The following MAOA variants were observed in gnomAD, a reference collection of about 807,000 sequenced individuals.
The protein encoded by MAOA is amine oxidase [flavin-containing] A.
Under a neutral mutation model 42.0 loss-of-function variants are expected in MAOA, and 6 were observed. The ratio of observed to expected loss-of-function variants is 0.14; its 90% CI spans 0.08 to 0.28. MAOA has a LOEUF of 0.28. Ranked by LOEUF, MAOA falls within the 10% of genes least tolerant of loss-of-function variation. The pLI, the probability that MAOA is intolerant of heterozygous loss-of-function variation, is 1.00. For missense variants in MAOA, 262 were observed against 422.3 expected, an observed-to-expected ratio of 0.62 and a Z score of 3.33; for synonymous variants, 140 against 154.0, an observed-to-expected ratio of 0.91 and a Z score of 0.67.
intron 3 of MAOA, among the ~76,000 whole-genome samples, chrX:43,695,445 A>T (rs1256818768): frequency 8.9e-6 from 1 of 112,120 alleles, no homozygotes; most frequent in African/African-American, 3.2e-5. Context: ...AAAACTTGAT[A>T]TTGGGCTGGG....
At chrX:43,681,882 T>TATATA (rs1479098954) in intron 1 of MAOA, among the ~76,000 whole-genome samples, 2 of 80,981 alleles carry the variant, frequency 2.5e-5, no homozygotes, top group African/African-American at 1.3e-4. Flanking sequence ...ATATATATAT[T>TATATA]TTTTTTTTTT....
intron 1 of MAOA, 110 bp from the exon 2 acceptor site, chrX:43,683,403 A>C: frequency 1.7e-6 from 1 of 587,437 alleles, no homozygotes; most frequent in Middle Eastern, 3.2e-4. Context: ...AAGACAGCAA[A>C]ATCATTGGAT....
intron 5 of MAOA, among the ~76,000 whole-genome samples, chrX:43,720,434 G>C (rs1345377149): frequency 9.1e-6 from 1 of 110,035 alleles, no homozygotes; most frequent in Admixed American, 9.7e-5. Flanking sequence ...GGTAGGGAGA[G>C]ACAGGAAGGA....
intron 3 of MAOA, among the ~76,000 whole-genome samples, chrX:43,711,450 A>G (rs2033698956): frequency 8.9e-6 from 1 of 112,033 alleles, no homozygotes; most frequent in Non-Finnish European, 1.9e-5. Flanking sequence ...CTTGTCCTAT[A>G]TGTGGTCTAA....
chrX:43,698,254 C>T (rs995462652), intron 3 of MAOA, among the ~76,000 whole-genome samples: 5 of 111,686 alleles, frequency 4.5e-5, no homozygotes, highest in South Asian at 3.7e-4. Flanking sequence ...ACATCTAGTC[C>T]CAGCTTACTC....
At chrX:43,710,702 G>A (rs753603224) in intron 3 of MAOA, among the ~76,000 whole-genome samples, 4 of 112,016 alleles carry the variant, frequency 3.6e-5, no homozygotes, top group Non-Finnish European at 7.5e-5. Context: ...CTATTTCCTA[G>A]GGACTCACCT....
rs984008637 is a variant in MAOA, at chrX:43,702,958, C to A, written c.307-8914C>A. ...CCAGCAGTGGGTGACAAAAGTGGAC[C>A]CTGGGACACAGACATGGGTGCAGTC... On this transcript the variant is annotated intron_variant, in intron 3 of 14. Coordinates refer to ENST00000338702, the MANE Select transcript of MAOA (RefSeq NM_000240.4). Among the ~76,000 whole-genome samples, 6 of 111,149 alleles carry A rather than the reference C, an allele frequency of 5.4e-5. No homozygotes were observed. The Admixed American group carries it at 5.7e-4, about 11-fold the overall frequency.
chrX:43,679,024 A>C (rs1490825968), intron 1 of MAOA, among the ~76,000 whole-genome samples: 1 of 111,772 alleles, frequency 8.9e-6, no homozygotes, highest in Non-Finnish European at 1.9e-5. Flanking sequence ...AAATAACTTA[A>C]ACCTTAACCC....
chrX:43,700,073 T>C (rs1165243727), intron 3 of MAOA, among the ~76,000 whole-genome samples: 1 of 112,284 alleles, frequency 8.9e-6, no homozygotes, highest in Non-Finnish European at 1.9e-5. Context: ...GCTTGTTGTA[T>C]ATTTGCCTCC....
chrX:43,716,813 T>TA (rs2033747547), intron 5 of MAOA, among the ~76,000 whole-genome samples: 1 of 105,197 alleles, frequency 9.5e-6, no homozygotes, highest in African/African-American at 3.5e-5. Context: ...CCAGAGGGGG[T>TA]AGTGAGGAGT....
intron 10 of MAOA, 82 bp from the exon 11 acceptor site, chrX:43,740,599 A>G: frequency 2.3e-6 from 2 of 858,818 alleles, no homozygotes; most frequent in Non-Finnish European, 3.2e-6. Flanking sequence ...CAAGAGCTCT[A>G]GAACTCACTG....
intron 1 of MAOA, among the ~76,000 whole-genome samples, chrX:43,678,005 A>G (rs1365413236): frequency 2.7e-5 from 3 of 112,113 alleles, no homozygotes; most frequent in South Asian, 7.4e-4. Flanking sequence ...TTTTACCAAG[A>G]TGGCTCCACA....
Position 43,740,863 on chromosome X carries a change from GAGGATAAACTTCAGC to G in MAOA, c.1164+128_1164+142del, listed in dbSNP as rs900543324. 2.6e-5 allele frequency: 16 copies of G among 605,599 alleles called. No homozygotes were observed. In the African/African-American group the frequency reaches 3.5e-4, roughly 13 times the overall value. 49.9% of individuals were successfully genotyped at this position (605,599 alleles called of 1,213,427 possible). A position where few individuals can be genotyped will look rare whatever the true frequency, so the allele number is the denominator to read the frequency against. ...AGTATAAAGCGATATGCTTAACTTG[GAGGATAAACTTCAGC>G]AGTCACAAAAGGTCATTAAAAGCTG... On this transcript the variant is annotated intron_variant, in intron 11 of 14. Coordinates refer to ENST00000338702, the MANE Select transcript of MAOA (RefSeq NM_000240.4).
At chrX:43,683,062 A>T (rs1187169233) in intron 1 of MAOA, among the ~76,000 whole-genome samples, 1 of 111,675 alleles carries the variant, frequency 9.0e-6, no homozygotes, top group Non-Finnish European at 1.9e-5. Context: ...GGACATGATT[A>T]TACAGGATTT....
chrX:43,726,166 C>T (rs1475513513), intron 5 of MAOA, among the ~76,000 whole-genome samples: 6 of 111,103 alleles, frequency 5.4e-5, no homozygotes, highest in Admixed American at 3.8e-4. Flanking sequence ...TTGCTCTTTT[C>T]GAGGAATATC....
chrX:43,728,227 T>C lies in MAOA; in HGVS notation c.558T>C (p.Pro186=), dbSNP rs764175529. The C allele has an allele frequency of 1.7e-5, 20 of 1,208,045 alleles. No individual in the cohort carries two copies. The highest frequency in any genetic ancestry group is 2.0e-5 in the Non-Finnish European group (18 of 893,487). ...LFVNINVTSE[P]HEVSALWFLW... ...TGAATATCAATGTGACCTCTGAGCC[T>C]CACGAAGTGTCTGCCCTGTGGTTCT... Residue 186 remains proline (P), a synonymous_variant, in exon 6 of 15, where the codon CCT becomes CCC. Transcript: ENST00000338702.
chrX:43,734,253 A>G (rs1473555758), intron 9 of MAOA, among the ~76,000 whole-genome samples: 1 of 109,450 alleles, frequency 9.1e-6, no homozygotes, highest in African/African-American at 3.3e-5. Flanking sequence ...TAAAACAAAT[A>G]TAAAATAATA....
chrX:43,666,468 C>T (rs780919342), intron 1 of MAOA, among the ~76,000 whole-genome samples: 1 of 110,928 alleles, frequency 9.0e-6, no homozygotes, highest in East Asian at 2.9e-4. Context: ...CTGTATCTCA[C>T]GGCTTCCCAC....
chrX:43,700,383 G>C (rs375756176), intron 3 of MAOA, among the ~76,000 whole-genome samples: 1 of 112,327 alleles, frequency 8.9e-6, no homozygotes, highest in African/African-American at 3.2e-5. Flanking sequence ...CTCTGAAGTT[G>C]TAAGATGCCC....
Sources: gnomAD v4.1 joint callset for allele counts (sites outside exome capture counted in the v4.1 genomes callset) on GRCh38, gnomAD v4.1.1 for gene constraint, MANE v1.5 for transcripts, NCBI Gene and HGNC (gene_info 2026-07-23, HGNC 2026-07-21) for gene names.